USPL1: variants seen among roughly 807,000 people sequenced by gnomAD.
USPL1 encodes ubiquitin specific peptidase like 1.
USPL1 carries 27 observed loss-of-function variants against 51.5 expected under a neutral mutation model. The observed-to-expected ratio is 0.52, with a 90% confidence interval of 0.39 to 0.72. The LOEUF (loss-of-function observed/expected upper bound fraction) is 0.72. Among genes scored for constraint, USPL1 ranks in the 30% least tolerant of loss-of-function variants. USPL1 has a pLI of 0.00. For missense variants in USPL1, 1,226 were observed against 1,268.0 expected, an observed-to-expected ratio of 0.97 and a Z score of 0.50; for synonymous variants, 451 against 459.6, an observed-to-expected ratio of 0.98 and a Z score of 0.24.
intron 5 of USPL1, among the ~76,000 whole-genome samples, chr13:30,640,340 A>G (rs1021829065): frequency 3.3e-5 from 5 of 152,232 alleles, no homozygotes; most frequent in African/African-American, 1.2e-4. Context: ...ACAGTGTTGC[A>G]TATTTTCATT....
At position 30,659,031 on chromosome 13, in the gene USPL1, T is replaced by A. The variant is rs1415653453; in HGVS notation, c.2954T>A (p.Leu985Gln). The A allele has an allele frequency of 6.2e-7, 1 of 1,614,108 alleles. No homozygotes were observed. The highest frequency in any genetic ancestry group is 8.5e-7 in the Non-Finnish European group (1 of 1,180,048). ...TCTCCTACACCTGTTTCAACAGAGC[T>A]GTCAGAAAATGGGGAAGGTGACTTT... ...LLSPTPVSTE[L>Q]SENGEGDFRY... is the part of the protein sequence containing the mutation. Residue 985 changes from leucine (L) to glutamine (Q), a missense_variant, in exon 9 of 9, where the codon CTG (leucine) becomes CAG (glutamine). Physicochemically the swap from Leu to Gln is moderately radical, Grantham distance 113. Transcript: ENST00000255304.
At chr13:30,639,357 CT>C (rs749549281) in intron 5 of USPL1, among the ~76,000 whole-genome samples, 3 of 151,834 alleles carry the variant, frequency 2.0e-5, no homozygotes, top group Non-Finnish European at 4.4e-5. Flanking sequence ...CTTCTGCCCC[CT>C]AATTTTCACT....
intron 5 of USPL1, 46 bp from the exon 6 acceptor site, chr13:30,642,582 T>C: frequency 6.3e-7 from 1 of 1,585,174 alleles, no homozygotes; most frequent in African/African-American, 1.4e-5. Context: ...GTTTAGTTTT[T>C]GCCATTATTG....
At chr13:30,643,596 T>TCC (rs1950976615) in intron 6 of USPL1, among the ~76,000 whole-genome samples, 1 of 96,274 alleles carries the variant, frequency 1.0e-5, no homozygotes, top group African/African-American at 7.5e-5. Flanking sequence ...AAATAACTCT[T>TCC]TCCACCCCCC....
At position 30,634,442 on chromosome 13, in the gene USPL1, C is replaced by T. The variant is rs190145328; in HGVS notation, c.868+2968C>T. Among the ~76,000 whole-genome samples the T allele has an allele frequency of 4.1e-4, 63 of 152,296 alleles. No homozygotes were observed. The East Asian group carries it at 8.3e-3, about 20-fold the overall frequency. The stretch of plus-strand genomic sequence containing the variant: ...AACTGAAACCATAGGAAGCAAAACA[C>T]GGATGAAGAGGGACCACTTCGTATT... On this transcript the variant is annotated intron_variant, in intron 4 of 8. Transcript: ENST00000255304.
chr13:30,658,977 C>T lies in USPL1; in HGVS notation c.2900C>T (p.Thr967Ile), dbSNP rs1016240491. 1.9e-6 allele frequency: 3 copies of T among 1,614,186 alleles called. No individual in the cohort carries two copies. The highest frequency in any genetic ancestry group is 1.6e-4 in the Middle Eastern group (1 of 6,062). The change falls in exon 9 of 9, where the codon ACT becomes ATT. Residue 967 changes from threonine to isoleucine, a missense_variant. Thr to Ile is a moderately conservative substitution (Grantham distance 89). Transcript: ENST00000255304. ...VPGVSLYSSQ[T>I]HEEILAELLS... ...GGTGTTTCCCTGTACAGTAGTCAAA[C>T]TCATGAAGAAATTTTAGCGGAATTA... is the stretch of plus-strand genomic sequence containing the variant.
At position 30,637,744 on chromosome 13, in the gene USPL1, A is replaced by C; in HGVS notation, c.869A>C (p.Asp290Ala). 1 of 1,603,990 alleles carries C rather than the reference A, an allele frequency of 6.2e-7. No homozygotes were observed. The highest frequency in any genetic ancestry group is 8.5e-7 in the Non-Finnish European group (1 of 1,173,380). Residue 290 changes from aspartate to alanine, a missense_variant and splice_region_variant, in exon 5 of 9, where the codon GAT (aspartate) becomes GCT (alanine). Coordinates refer to ENST00000255304, the MANE Select transcript of USPL1 (RefSeq NM_005800.5). ...GATAATGTTCTCTGTATTTTCTTAG[A>C]TGGAGATTGTAAAAAACTTACCTCA... The part of the protein sequence containing the change: ...LYTSQLSGVK[D>A]GDCKKLTSEI...
At chr13:30,647,155 T>C (rs887023000) in intron 7 of USPL1, 98 bp downstream of exon 7, 1 of 1,309,444 alleles carries the variant, frequency 7.6e-7, no homozygotes, top group Non-Finnish European at 1.1e-6. Context: ...CAACTTACCT[T>C]TCTGAAATTT....
intron 2 of USPL1, 133 bp from the exon 3 acceptor site, chr13:30,621,631 T>C (rs1950648106): frequency 6.3e-6 from 4 of 633,062 alleles, no homozygotes. Flanking sequence ...TTGTTTGCCA[T>C]GTTTAAAATA....
At chr13:30,635,603 T>C (rs1029521293) in intron 4 of USPL1, among the ~76,000 whole-genome samples, 1 of 152,238 alleles carries the variant, frequency 6.6e-6, no homozygotes, top group Admixed American at 6.5e-5. Context: ...GCATATTTTT[T>C]CTGATCTTAC....
At chr13:30,631,555 C>A in intron 4 of USPL1, 81 bp downstream of exon 4, 1 of 1,363,762 alleles carries the variant, frequency 7.3e-7, no homozygotes, top group Non-Finnish European at 9.8e-7. Flanking sequence ...GGCTGGAGTG[C>A]AGTGGCATGA....
intron 3 of USPL1, among the ~76,000 whole-genome samples, chr13:30,625,444 GTTTTTTTTTT>G (rs926283215): frequency 8.4e-6 from 1 of 118,958 alleles, no homozygotes; most frequent in Non-Finnish European, 1.7e-5. Context: ...TTTGTTTTTT[GTTTTTTTTTT>G]TTTTTTTTTT....
At chr13:30,625,227 G>T (rs966010195) in intron 3 of USPL1, among the ~76,000 whole-genome samples, 4 of 152,114 alleles carry the variant, frequency 2.6e-5, no homozygotes, top group African/African-American at 9.7e-5. Context: ...GGGATATGGG[G>T]TTGGAAAGAG....
chr13:30,622,840 T>C (rs1950662260), intron 3 of USPL1, among the ~76,000 whole-genome samples: 1 of 150,656 alleles, frequency 6.6e-6, no homozygotes, highest in South Asian at 2.1e-4. Context: ...GGGTATAATT[T>C]GAAGTAAAGT....
At position 30,652,032 on chromosome 13, in the gene USPL1, A is replaced by C. The variant is rs149308449; in HGVS notation, c.1239-1116A>C. On this transcript the variant is annotated intron_variant, in intron 7 of 8. Transcript: ENST00000255304. ...GCTATGAGAATACATCTCAAGTTTT[A>C]CTGTGGTTCATTGATTCAGACATGT... is the stretch of plus-strand genomic sequence containing the variant. 2.6e-5 allele frequency among the ~76,000 whole-genome samples: 4 copies of C among 152,222 alleles called. No homozygotes were observed. In the East Asian group the frequency reaches 7.7e-4, roughly 29 times the overall value.
chr13:30,637,468 A>G (rs1950891436), intron 4 of USPL1, among the ~76,000 whole-genome samples: 1 of 152,212 alleles, frequency 6.6e-6, no homozygotes, highest in Admixed American at 6.5e-5. Flanking sequence ...TAGTATCTGA[A>G]AGGTTAGTTA....
intron 3 of USPL1, among the ~76,000 whole-genome samples, chr13:30,623,515 T>C (rs143191789): frequency 4.6e-5 from 7 of 152,010 alleles, no homozygotes; most frequent in African/African-American, 1.7e-4. Flanking sequence ...TAGTATAATA[T>C]GAATTATATT....
rs750308362 is a variant in USPL1, at chr13:30,621,155, G to A, written c.15G>A (p.Pro5=). Residue 5 remains proline (P), a synonymous_variant, in exon 2 of 9, where the codon CCG becomes CCA. Coordinates refer to ENST00000255304, the MANE Select transcript of USPL1 (RefSeq NM_005800.5). MMDS[P]KIGNGLPVIG... is the part of the protein sequence containing the mutation. ...AATGACTCGGAATGATGGATTCTCC[G>A]AAGATTGGAAATGGTTTGCCAGTGA... 7.5e-6 allele frequency: 12 copies of A among 1,605,522 alleles called. No individual in the cohort carries two copies. The highest frequency in any genetic ancestry group is 2.3e-5 in the East Asian group (1 of 44,250).
chr13:30,642,994 A>G (rs1950969123), intron 6 of USPL1, among the ~76,000 whole-genome samples: 1 of 152,124 alleles, frequency 6.6e-6, no homozygotes, highest in Non-Finnish European at 1.5e-5. Flanking sequence ...TGAGTAGAAT[A>G]CCTCTCAGAA....
Sources: gnomAD v4.1 joint callset for allele counts (sites outside exome capture counted in the v4.1 genomes callset) on GRCh38, gnomAD v4.1.1 for gene constraint, MANE v1.5 for transcripts, NCBI Gene and HGNC (gene_info 2026-07-23, HGNC 2026-07-21) for gene names.